Variants in TRAPPC9 observed in about 807,000 individuals in gnomAD.
TRAPPC9 encodes the protein trafficking protein particle complex subunit 9.
A neutral mutation model predicts 124.0 loss-of-function variants in TRAPPC9; 83 were observed. That is an observed-to-expected ratio of 0.67 (90% CI 0.56 to 0.80). The LOEUF is 0.80. Among genes scored for constraint, TRAPPC9 ranks in the 30% least tolerant of loss-of-function variants. The pLI, the probability that TRAPPC9 is intolerant of heterozygous loss-of-function variation, is 0.00. For synonymous variants in TRAPPC9, 638 were observed against 617.5 expected (o/e 1.03, Z -0.49); for missense variants, 1,302 against 1,508.3 (o/e 0.86, Z 2.27).
intron 19 of TRAPPC9, chr8:139,932,342 G>A (rs918306923): frequency 1.7e-5 from 8 of 457,770 alleles, no homozygotes; most frequent in Admixed American, 4.7e-5. Flanking sequence ...CCTTGGCCAC[G>A]GGACCTGAGC....
chr8:140,160,262 G>C (rs2061722717), intron 17 of TRAPPC9, among the ~76,000 whole-genome samples: 1 of 152,178 alleles, frequency 6.6e-6, no homozygotes, highest in Non-Finnish European at 1.5e-5. Flanking sequence ...TCTAGAACTA[G>C]AAATACCATT....
chr8:140,244,090 C>T (rs2063924085), intron 16 of TRAPPC9, among the ~76,000 whole-genome samples: 1 of 152,232 alleles, frequency 6.6e-6, no homozygotes, highest in Non-Finnish European at 1.5e-5. Context: ...AACCCAAAAC[C>T]ATCCCCTTGC....
intron 19 of TRAPPC9, among the ~76,000 whole-genome samples, chr8:139,964,303 G>T (rs1835554876): frequency 6.6e-6 from 1 of 151,906 alleles, no homozygotes; most frequent in African/African-American, 2.4e-5. Context: ...ATGTCTGGGA[G>T]AATGAGGCGG....
intron 2 of TRAPPC9, among the ~76,000 whole-genome samples, chr8:140,446,145 C>T (rs906090968): frequency 7.9e-5 from 12 of 152,000 alleles, no homozygotes; most frequent in African/African-American, 2.2e-4. Flanking sequence ...ATACAAAAAA[C>T]TAGCCTGGTG....
intron 21 of TRAPPC9, among the ~76,000 whole-genome samples, chr8:139,839,145 C>A (rs570331717): frequency 4.6e-5 from 7 of 152,262 alleles, no homozygotes; most frequent in Non-Finnish European, 1.0e-4. Context: ...GGGCCTAGCA[C>A]TGTGCTTGTC....
chr8:139,766,131 C>T (rs1820569488), intron 21 of TRAPPC9, among the ~76,000 whole-genome samples: 1 of 152,234 alleles, frequency 6.6e-6, no homozygotes, highest in Admixed American at 6.5e-5. Context: ...ATCCCCTTGG[C>T]CCCAAACACT....
At chr8:140,415,415 C>T (rs1358355910) in intron 5 of TRAPPC9, among the ~76,000 whole-genome samples, 1 of 151,182 alleles carries the variant, frequency 6.6e-6, no homozygotes, top group Non-Finnish European at 1.5e-5. Context: ...ATTAGCCGGG[C>T]GTGGTGGTGC....
chr8:140,143,445 T>G (rs1265674768), intron 17 of TRAPPC9, among the ~76,000 whole-genome samples: 1 of 152,248 alleles, frequency 6.6e-6, no homozygotes, highest in East Asian at 1.9e-4. Flanking sequence ...CTAACTTTTC[T>G]TCGTTTGGGA....
chr8:140,151,539 G>A (rs965976483), intron 17 of TRAPPC9, among the ~76,000 whole-genome samples: 2 of 152,092 alleles, frequency 1.3e-5, no homozygotes, highest in Non-Finnish European at 2.9e-5. Context: ...CTCCCTGTAC[G>A]TGAGCCTGCC....
chr8:140,420,036 TTG>T (rs145193239), intron 5 of TRAPPC9, among the ~76,000 whole-genome samples: 4,216 of 152,178 alleles, frequency 0.028, 118 homozygotes, highest in African/African-American at 0.072. Flanking sequence ...ACACAAAAAA[TTG>T]TGTTTCCATA....
At position 140,433,174 on chromosome 8, in the gene TRAPPC9, T is replaced by C. The variant is rs1365392853; in HGVS notation, c.859+1938A>G. 2.0e-5 allele frequency among the ~76,000 whole-genome samples: 3 copies of C among 149,984 alleles called. No homozygotes were observed. The East Asian group carries it at 6.1e-4, about 30-fold the overall frequency. ...TGGGCATGGTAGCACACACTTGTAA[T>C]CCTGTTACTCAGGAGGCTGAGACAC... On this transcript the variant is annotated intron_variant, in intron 4 of 22. Coordinates refer to ENST00000438773, the MANE Select transcript of TRAPPC9 (RefSeq NM_001160372.4).
At chr8:140,214,710 A>G (rs550794656) in intron 17 of TRAPPC9, among the ~76,000 whole-genome samples, 1 of 152,316 alleles carries the variant, frequency 6.6e-6, no homozygotes, top group African/African-American at 2.4e-5. Flanking sequence ...CATCCAATTC[A>G]CACAGTCCCT....
intron 17 of TRAPPC9, among the ~76,000 whole-genome samples, chr8:140,093,324 A>G (rs1844697062): frequency 6.6e-6 from 1 of 152,190 alleles, no homozygotes; most frequent in Non-Finnish European, 1.5e-5. Flanking sequence ...GATGATTCCC[A>G]GCAGATGGTG....
intron 5 of TRAPPC9, among the ~76,000 whole-genome samples, chr8:140,408,199 T>C (rs1464938716): frequency 6.6e-6 from 1 of 152,000 alleles, no homozygotes; most frequent in Non-Finnish European, 1.5e-5. Context: ...GCCTGTAGAT[T>C]ACAGGCAGGA....
At chr8:140,037,376 G>T (rs116531083) in intron 17 of TRAPPC9, among the ~76,000 whole-genome samples, 1 of 151,832 alleles carries the variant, frequency 6.6e-6, no homozygotes, top group Non-Finnish European at 1.5e-5. Flanking sequence ...TCAACAGTGA[G>T]AAAGGAAGAT....
At chr8:139,852,781 C>T (rs1015312431) in intron 21 of TRAPPC9, among the ~76,000 whole-genome samples, 2 of 152,146 alleles carry the variant, frequency 1.3e-5, no homozygotes, top group African/African-American at 4.8e-5. Context: ...CTCTGGTTGG[C>T]AGATGTGTGT....
intron 17 of TRAPPC9, among the ~76,000 whole-genome samples, chr8:140,073,735 A>G (rs985999213): frequency 6.6e-6 from 1 of 152,210 alleles, no homozygotes; most frequent in African/African-American, 2.4e-5. Flanking sequence ...ACCGTCACTC[A>G]GTATGGGATG....
In TRAPPC9 at chr8:139,893,052, A is replaced by C. The variant is rs185391316; in HGVS notation, c.2965-7083T>G. On this transcript the variant is annotated intron_variant, in intron 20 of 22. Coordinates refer to ENST00000438773, the MANE Select transcript of TRAPPC9 (RefSeq NM_001160372.4). ...AGGCTTTCAACCTTACTGATGCTACAGGCCCTGTGGGAGTTAAACTCACTC... is the reference window on the plus strand; with the variant it reads ...AGGCTTTCAACCTTACTGATGCTACCGGCCCTGTGGGAGTTAAACTCACTC... Among the ~76,000 whole-genome samples the C allele has an allele frequency of 2.4e-3, 373 of 152,314 alleles. 2 individuals carry two copies. Among genetic ancestry groups the C allele is most frequent in the African/African-American group, 8.7e-3 (363 of 41,564 alleles).
chr8:140,287,296 C>T (rs2065514584), intron 13 of TRAPPC9, among the ~76,000 whole-genome samples: 1 of 151,070 alleles, frequency 6.6e-6, no homozygotes, highest in Non-Finnish European at 1.5e-5. Context: ...GTGTAGACAC[C>T]CTCTGAGGAG....
Sources: allele counts gnomAD v4.1 joint callset (sites outside exome capture counted in the v4.1 genomes callset), GRCh38; gene constraint gnomAD v4.1.1; transcripts MANE v1.5; gene names NCBI Gene and HGNC (gene_info 2026-07-23, HGNC 2026-07-21).